CCNB1IP1: variants seen among roughly 807,000 people sequenced by gnomAD.
CCNB1IP1 encodes E3 ubiquitin-protein ligase CCNB1IP1.
Under a neutral mutation model 25.6 loss-of-function variants are expected in CCNB1IP1, and 14 were observed. The ratio of observed to expected loss-of-function variants is 0.55; its 90% CI spans 0.36 to 0.85. CCNB1IP1 has a LOEUF of 0.85. CCNB1IP1 is among the 40% of genes least tolerant of loss of function. CCNB1IP1 has a pLI of 0.01. For synonymous variants in CCNB1IP1, 119 were observed against 116.1 expected (o/e 1.02, Z -0.16); for missense variants, 278 against 342.4 (o/e 0.81, Z 1.48).
At chr14:20,319,225 C>T (rs1184427208) in intron 4 of CCNB1IP1, 1 of 152,248 alleles carries the variant, frequency 6.6e-6, no homozygotes, top group Non-Finnish European at 1.5e-5. Context: ...CTGTCAAAAA[C>T]TGTGCAACTT....
Position 20,316,465 on chromosome 14 carries a change from G to A in CCNB1IP1, c.59C>T (p.Ser20Phe). ...CNYRKCRIKLSGYAWVTACSH... is the reference protein window; with the variant it reads ...CNYRKCRIKLFGYAWVTACSH... ...GCAGGCAGTGACCCATGCATAGCCA[G>A]AGAGTTTGATGCGACACTTTCGATA... Residue 20 changes from serine to phenylalanine, a missense_variant, in exon 5 of 7, where the codon TCT (serine) becomes TTT (phenylalanine). By Grantham distance (155) the Ser-to-Phe change is radical. Transcript: ENST00000358932. 2 of 1,613,464 alleles carry A rather than the reference G, an allele frequency of 1.2e-6. No homozygotes were observed. The highest frequency in any genetic ancestry group is 1.7e-6 in the Non-Finnish European group (2 of 1,179,988).
chr14:20,312,263 T>C (rs1882519474), intron 6 of CCNB1IP1, among the ~76,000 whole-genome samples: 1 of 152,150 alleles, frequency 6.6e-6, no homozygotes, highest in Non-Finnish European at 1.5e-5. Flanking sequence ...ATAATGCCCA[T>C]TTACAGTAAC....
chr14:20,313,521 C>G lies in CCNB1IP1; in HGVS notation c.578G>C (p.Gly193Ala), dbSNP rs765853177. 4.3e-6 allele frequency: 7 copies of G among 1,613,608 alleles called. 1 individual carries two copies. In the South Asian group the frequency reaches 6.6e-5, roughly 15 times the overall value. Residue 193 changes from glycine to alanine, a missense_variant, in exon 6 of 7, where the codon GGC becomes GCC. By Grantham distance (60) the Gly-to-Ala change is moderately conservative. Transcript: ENST00000358932. The part of the protein sequence containing the change: ...LRNITIANHE[G>A]TLEPSMIAQS... ...TGCAATCATGGATGGTTCAAGGGTG[C>G]CTTCATGGTTAGCAATAGTGATGTT...
intron 4 of CCNB1IP1, among the ~76,000 whole-genome samples, chr14:20,321,162 A>G (rs572880677): frequency 1.3e-5 from 2 of 152,116 alleles, no homozygotes; most frequent in Admixed American, 1.3e-4. Flanking sequence ...AATACTTTCC[A>G]TGAGAATCTA....
chr14:20,322,985 ACCAT>A lies in CCNB1IP1; in HGVS notation c.-38+2550_-38+2553del, dbSNP rs565596333. ...GCAACCACTCTAAAAAACTGAGTAA[ACCAT>A]TTAAAATTTGAACATGAATGACTTT... On this transcript the variant is annotated intron_variant, in intron 4 of 6. Transcript: ENST00000358932. Among the ~76,000 whole-genome samples the A allele has an allele frequency of 1.4e-4, 21 of 152,224 alleles. No individual in the cohort carries two copies. In the South Asian group the frequency reaches 4.1e-3, roughly 30 times the overall value.
intron 1 of CCNB1IP1, among the ~76,000 whole-genome samples, chr14:20,331,244 CCT>C: frequency 6.6e-6 from 1 of 152,142 alleles, no homozygotes; most frequent in Non-Finnish European, 1.5e-5. Context: ...CCTTTCTGCC[CCT>C]GTGAATACAA....
In CCNB1IP1 at chr14:20,311,606, G is replaced by A; in HGVS notation, c.778C>T (p.Arg260Cys). ...GAAACTTGCTGCTGCTCTAATTCACGACTTGGAGAGACAAAACTAAAAAAG... is the reference window on the plus strand; with the variant it reads ...GAAACTTGCTGCTGCTCTAATTCACAACTTGGAGAGACAAAACTAAAAAAG... ...NSFFSFVSPS[R>C]ELEQQQVSSR... Residue 260 changes from arginine to cysteine, a missense_variant, in exon 7 of 7, where the codon CGT becomes TGT. Coordinates refer to ENST00000358932, the MANE Select transcript of CCNB1IP1 (RefSeq NM_021178.5). 5.0e-6 allele frequency: 8 copies of A among 1,613,938 alleles called. No individual in the cohort carries two copies. The highest frequency in any genetic ancestry group is 2.2e-5 in the East Asian group (1 of 44,862).
At chr14:20,311,975 T>C (rs929353255) in intron 6 of CCNB1IP1, among the ~76,000 whole-genome samples, 1 of 152,212 alleles carries the variant, frequency 6.6e-6, no homozygotes, top group Non-Finnish European at 1.5e-5. Context: ...TATTGGCATA[T>C]ACCATGACCC....
rs752280216 is a variant in CCNB1IP1, at chr14:20,316,552, AAG to A, written c.-31_-30del. The A allele has an allele frequency of 1.6e-5, 26 of 1,580,152 alleles. No individual in the cohort carries two copies. The Middle Eastern group carries it at 5.0e-4, about 31-fold the overall frequency. The stretch of plus-strand genomic sequence containing the variant: ...AGGATAGTGAGGTCTCCAGAAGCTG[AAG>A]AGAGGCCTAAGAAGGGGTAAATAAA... On this transcript the variant is annotated 5_prime_UTR_variant, in exon 5 of 7. Coordinates refer to ENST00000358932, the MANE Select transcript of CCNB1IP1 (RefSeq NM_021178.5).
chr14:20,319,776 G>A (rs528078984), intron 4 of CCNB1IP1, among the ~76,000 whole-genome samples: 182 of 152,254 alleles, frequency 1.2e-3, no homozygotes, highest in Admixed American at 1.8e-3. Context: ...CCAGAGCCTG[G>A]GTTAGTATAT....
intron 4 of CCNB1IP1, chr14:20,320,476 A>G: frequency 3.0e-6 from 1 of 328,208 alleles, no homozygotes; most frequent in South Asian, 2.3e-5. Context: ...ATGATATTTC[A>G]TCATATTTAT....
In CCNB1IP1 at chr14:20,311,444, G is replaced by T; in HGVS notation, c.*106C>A. The T allele has an allele frequency of 1.1e-6, 1 of 897,872 alleles. No individual in the cohort carries two copies. The highest frequency in any genetic ancestry group is 1.8e-6 in the Non-Finnish European group (1 of 551,482). 55.6% of individuals were successfully genotyped at this position (897,872 alleles called of 1,614,324 possible). On this transcript the variant is annotated 3_prime_UTR_variant, in exon 7 of 7. Coordinates refer to ENST00000358932, the MANE Select transcript of CCNB1IP1 (RefSeq NM_021178.5). ...CTGTTGCCCAGGCTGGAGTGCAGTG[G>T]CATGATCTTAGATCACTAAAGCCTC...
At chr14:20,331,166 T>C (rs1198005821) in intron 1 of CCNB1IP1, among the ~76,000 whole-genome samples, 2 of 152,164 alleles carry the variant, frequency 1.3e-5, no homozygotes, top group East Asian at 1.9e-4. Context: ...TACTAAAATA[T>C]GCCCTCAACA....
intron 4 of CCNB1IP1, among the ~76,000 whole-genome samples, chr14:20,321,043 C>A (rs912028146): frequency 6.6e-6 from 1 of 150,802 alleles, no homozygotes; most frequent in Non-Finnish European, 1.5e-5. Flanking sequence ...GAGGCTGAGG[C>A]AGGAGAATAG....
intron 3 of CCNB1IP1, among the ~76,000 whole-genome samples, chr14:20,326,237 G>T (rs1250599569): frequency 6.6e-6 from 1 of 152,126 alleles, no homozygotes; most frequent in Non-Finnish European, 1.5e-5. Flanking sequence ...TGTAGTGTTT[G>T]AACTTTTAGA....
intron 4 of CCNB1IP1, among the ~76,000 whole-genome samples, chr14:20,320,749 G>A (rs1315645843): frequency 6.8e-6 from 1 of 146,692 alleles, no homozygotes; most frequent in Non-Finnish European, 1.5e-5. Flanking sequence ...AGGTTGCAGT[G>A]AGCCAAGATC....
intron 5 of CCNB1IP1, chr14:20,315,674 C>T (rs1882667273): frequency 2.4e-6 from 3 of 1,243,324 alleles, no homozygotes; most frequent in Non-Finnish European, 3.1e-6. Flanking sequence ...GATAAGAATG[C>T]TTATCATAGC....
intron 3 of CCNB1IP1, among the ~76,000 whole-genome samples, chr14:20,326,182 A>G (rs1248168470): frequency 6.6e-6 from 1 of 152,216 alleles, no homozygotes; most frequent in Non-Finnish European, 1.5e-5. Flanking sequence ...TAAAACTGCC[A>G]GGCTAAATTG....
At chr14:20,331,270 G>T (rs979357161) in intron 1 of CCNB1IP1, among the ~76,000 whole-genome samples, 9 of 152,266 alleles carry the variant, frequency 5.9e-5, no homozygotes, top group African/African-American at 2.2e-4. Context: ...TGACTTGGTT[G>T]TTCTGGGCCA....
Sources: allele counts gnomAD v4.1 joint callset (sites outside exome capture counted in the v4.1 genomes callset), GRCh38; gene constraint gnomAD v4.1.1; transcripts MANE v1.5; gene names NCBI Gene and HGNC (gene_info 2026-07-23, HGNC 2026-07-21).